Variants in EMID1 observed in about 807,000 individuals in gnomAD.
EMID1 encodes the protein EMI domain-containing protein 1.
A neutral mutation model predicts 60.6 loss-of-function variants in EMID1; 40 were observed. The observed-to-expected ratio is 0.66, with a 90% confidence interval of 0.51 to 0.86. EMID1 has a LOEUF of 0.86. Ranked by LOEUF, EMID1 falls within the 40% of genes least tolerant of loss-of-function variation. The pLI, the probability that EMID1 is intolerant of heterozygous loss-of-function variation, is 0.00. For missense variants in EMID1, 585 were observed against 597.1 expected (o/e 0.98, Z 0.21); for synonymous variants, 242 against 231.0 (o/e 1.05, Z -0.43).
intron 12 of EMID1, 96 bp downstream of exon 12, chr22:29,234,445 CCTCCCTGTCTTGTCATTTATTTTCAGATG>C: frequency 7.2e-7 from 1 of 1,393,572 alleles, no homozygotes; most frequent in Non-Finnish European, 9.8e-7. Flanking sequence ...AGCTTCTAAC[CCTCCCTGTCTTGTCATTTATTTTCAGATG>C]CTCCCTGTCT....
At chr22:29,217,534 C>A (rs1005003392) in intron 3 of EMID1, among the ~76,000 whole-genome samples, 2 of 152,218 alleles carry the variant, frequency 1.3e-5, no homozygotes, top group Non-Finnish European at 2.9e-5. Flanking sequence ...TCTTCTCATG[C>A]CCACTCGGAG....
chr22:29,254,461 C>T (rs570206210), intron 14 of EMID1, 174 bp downstream of exon 14: 6 of 648,224 alleles, frequency 9.3e-6, no homozygotes, highest in African/African-American at 7.2e-5. Context: ...GACTGGTTCC[C>T]TCCTCCACGG....
intron 14 of EMID1, among the ~76,000 whole-genome samples, chr22:29,258,119 C>T (rs919342348): frequency 6.6e-6 from 1 of 152,180 alleles, no homozygotes; most frequent in East Asian, 1.9e-4. Flanking sequence ...CCACCGTGGC[C>T]CTCTCCTCCC....
chr22:29,224,887 G>T (rs2040440436), intron 3 of EMID1, among the ~76,000 whole-genome samples: 1 of 152,026 alleles, frequency 6.6e-6, no homozygotes, highest in Non-Finnish European at 1.5e-5. Context: ...CATTGGGGAA[G>T]CCCTCAGCCT....
chr22:29,206,198 C>G, intron 1 of EMID1, 59 bp downstream of exon 1: 3 of 1,173,046 alleles, frequency 2.6e-6, no homozygotes, highest in South Asian at 8.6e-5. Flanking sequence ...CGCACACGCC[C>G]CCACCTCCAG....
At chr22:29,237,847 G>A (rs1033444375) in intron 12 of EMID1, among the ~76,000 whole-genome samples, 1 of 144,106 alleles carries the variant, frequency 6.9e-6, no homozygotes, top group Non-Finnish European at 1.5e-5. Context: ...CATAATTTTT[G>A]TCCTCTCTGA....
intron 1 of EMID1, among the ~76,000 whole-genome samples, chr22:29,213,001 C>T (rs551898755): frequency 6.6e-6 from 1 of 152,352 alleles, no homozygotes; most frequent in East Asian, 1.9e-4. Flanking sequence ...ATGGAAAGCC[C>T]TCCTTGCTCC....
chr22:29,234,146 G>C lies in EMID1; in HGVS notation c.976G>C (p.Gly326Arg). ...PGSPGHIGPP[G>R]PTGPKGISGH... ...CTGTCTTGTTGCTCAGGGACCCCCA[G>C]GCCCCACTGGACCCAAAGGAATCTC... Residue 326 changes from glycine (G) to arginine (R), a missense_variant, in exon 11 of 15, where the codon GGC becomes CGC. Physicochemically the swap from Gly to Arg is moderately radical, Grantham distance 125 (BLOSUM62 -2). Coordinates refer to ENST00000334018, the MANE Select transcript of EMID1 (RefSeq NM_133455.4). 1 of 1,592,260 alleles carries C rather than the reference G, an allele frequency of 6.3e-7. No homozygotes were observed. Among genetic ancestry groups the C allele is most frequent in the Non-Finnish European group, 8.6e-7 (1 of 1,168,856 alleles).
chr22:29,232,789 A>G (rs776747434), intron 8 of EMID1: 11 of 197,150 alleles, frequency 5.6e-5, no homozygotes, highest in Non-Finnish European at 9.3e-5. Context: ...CCAAGGCCAC[A>G]GGCCCGGCCC....
intron 8 of EMID1, chr22:29,232,752 C>T (rs1997719): frequency 0.32 from 70,912 of 222,688 alleles, 13,922 homozygotes; most frequent in Middle Eastern, 0.48. Flanking sequence ...GCAAAAGACC[C>T]GGCGGCAGGA....
Position 29,231,104 on chromosome 22 carries a change from C to T in EMID1, c.550C>T (p.Pro184Ser), listed in dbSNP as rs1359744023. The change falls in exon 6 of 15, where the codon CCT (proline) becomes TCT (serine). Residue 184 changes from proline to serine, a missense_variant. By Grantham distance (74) the Pro-to-Ser change is moderately conservative. Coordinates refer to ENST00000334018, the MANE Select transcript of EMID1 (RefSeq NM_133455.4). ...EDPAPLWGPP[P>S]AQGSPGDGGL... ...CCCTGCCCCGCTCTGGGGTCCCCCT[C>T]CTGCCCAGGGCAGCCCCGGAGATGG... The T allele has an allele frequency of 1.1e-5, 17 of 1,613,080 alleles. No homozygotes were observed. The Middle Eastern group carries it at 8.2e-4, about 78-fold the overall frequency.
At chr22:29,206,195 GC>G in intron 1 of EMID1, 56 bp downstream of exon 1, 1 of 1,175,618 alleles carries the variant, frequency 8.5e-7, no homozygotes, top group Non-Finnish European at 1.1e-6. Context: ...GCGCGCACAC[GC>G]CCCCACCTCC....
chr22:29,247,920 C>T (rs1015252464), intron 13 of EMID1, among the ~76,000 whole-genome samples: 3 of 150,554 alleles, frequency 2.0e-5, no homozygotes, highest in East Asian at 2.0e-4. Flanking sequence ...CGTGAGCCAC[C>T]GCGCTGGTGA....
intron 3 of EMID1, among the ~76,000 whole-genome samples, chr22:29,217,255 C>T (rs560149537): frequency 6.6e-6 from 1 of 152,382 alleles, no homozygotes; most frequent in African/African-American, 2.4e-5. Context: ...TTGAATCTAG[C>T]TGCTGGAGGC....
chr22:29,209,641 C>T (rs984920419), intron 1 of EMID1, among the ~76,000 whole-genome samples: 2 of 152,172 alleles, frequency 1.3e-5, no homozygotes, highest in Non-Finnish European at 1.5e-5. Context: ...CCAGCACCTG[C>T]GTGAGTGAGT....
intron 3 of EMID1, among the ~76,000 whole-genome samples, chr22:29,224,480 G>A (rs765309733): frequency 3.3e-5 from 5 of 152,186 alleles, no homozygotes; most frequent in Non-Finnish European, 5.9e-5. Flanking sequence ...GTTCTCCTCC[G>A]GTAGGGGTGG....
chr22:29,239,429 G>A (rs1454668192), intron 12 of EMID1, among the ~76,000 whole-genome samples: 2 of 151,724 alleles, frequency 1.3e-5, no homozygotes, highest in African/African-American at 2.4e-5. Context: ...CCACGCCCAG[G>A]CCTTTCTTAG....
At chr22:29,216,966 A>C (rs1245253648) in intron 3 of EMID1, among the ~76,000 whole-genome samples, 1 of 152,240 alleles carries the variant, frequency 6.6e-6, no homozygotes, top group Non-Finnish European at 1.5e-5. Flanking sequence ...AGCCAGGAAC[A>C]GCACCCTCTT....
intron 6 of EMID1, chr22:29,231,380 G>A (rs1222237935): frequency 2.5e-6 from 2 of 815,238 alleles, no homozygotes; most frequent in East Asian, 5.4e-5. Context: ...GGGGGAGCTG[G>A]GAGTGGGGAT....
Sources: gnomAD v4.1 joint callset for allele counts (sites outside exome capture counted in the v4.1 genomes callset) on GRCh38, gnomAD v4.1.1 for gene constraint, MANE v1.5 for transcripts, NCBI Gene and HGNC (gene_info 2026-07-23, HGNC 2026-07-21) for gene names.